The following OPCML variants were observed in gnomAD, a reference collection of about 807,000 sequenced individuals.
OPCML encodes opioid binding protein/cell adhesion molecule like.
In OPCML, 13 loss-of-function variants were observed where a neutral mutation model predicts 37.8. The observed-to-expected ratio is 0.34, with a 90% CI of 0.22 to 0.55. The LOEUF is 0.55. OPCML is among the 20% of genes least tolerant of loss of function. The pLI is 0.91. For synonymous variants in OPCML, 176 were observed against 168.8 expected, an observed-to-expected ratio of 1.04 and a Z score of -0.33; for missense variants, 341 against 435.6, an observed-to-expected ratio of 0.78 and a Z score of 1.93.
intron 1 of OPCML, among the ~76,000 whole-genome samples, chr11:133,230,913 C>A (rs1940248407): frequency 6.6e-6 from 1 of 152,194 alleles, no homozygotes. Context: ...AAAGGGAAGG[C>A]AAATACTTCT....
At chr11:133,528,984 G>A (rs1384871292) in intron 1 of OPCML, among the ~76,000 whole-genome samples, 8 of 152,196 alleles carry the variant, frequency 5.3e-5, no homozygotes, top group African/African-American at 1.4e-4. Flanking sequence ...GCAGCACTGT[G>A]CCTCAGGAAC....
intron 2 of OPCML, among the ~76,000 whole-genome samples, chr11:132,930,729 ATGT>A (rs1945170160): frequency 6.6e-6 from 1 of 152,226 alleles, no homozygotes; most frequent in South Asian, 2.1e-4. Flanking sequence ...GTGAAAAGAC[ATGT>A]TGTGTTTATG....
chr11:133,102,653 G>A (rs573821011), intron 1 of OPCML, among the ~76,000 whole-genome samples: 1 of 152,172 alleles, frequency 6.6e-6, no homozygotes, highest in African/African-American at 2.4e-5. Context: ...AGGAGGCTGA[G>A]GCAGGAGAAT....
intron 1 of OPCML, among the ~76,000 whole-genome samples, chr11:133,286,884 A>G (rs1942314276): frequency 6.6e-6 from 1 of 152,250 alleles, no homozygotes; most frequent in South Asian, 2.1e-4. Context: ...TATCTGAGGC[A>G]CTGTGCAGAG....
chr11:133,108,238 A>G (rs1325653535), intron 1 of OPCML, among the ~76,000 whole-genome samples: 2 of 152,200 alleles, frequency 1.3e-5, no homozygotes, highest in Non-Finnish European at 2.9e-5. Flanking sequence ...CCAGAGGAGA[A>G]TTGCTGCGAA....
intron 2 of OPCML, among the ~76,000 whole-genome samples, chr11:132,874,729 G>C (rs1193395047): frequency 6.6e-6 from 1 of 152,162 alleles, no homozygotes; most frequent in Admixed American, 6.5e-5. Flanking sequence ...ACCTTAAGGT[G>C]GCTTAGCGGA....
intron 1 of OPCML, among the ~76,000 whole-genome samples, chr11:133,438,606 C>A (rs1315945767): frequency 6.6e-6 from 1 of 152,144 alleles, no homozygotes; most frequent in Non-Finnish European, 1.5e-5. Flanking sequence ...GATCTTTGCA[C>A]CTTATTCCCC....
chr11:133,362,659 C>T (rs563490867), intron 1 of OPCML, among the ~76,000 whole-genome samples: 89 of 152,258 alleles, frequency 5.8e-4, no homozygotes, highest in African/African-American at 2.1e-3. Context: ...TGAGAAACAT[C>T]TTGGGTGGAG....
intron 2 of OPCML, among the ~76,000 whole-genome samples, chr11:132,858,514 G>A (rs1942158629): frequency 6.6e-6 from 1 of 152,166 alleles, no homozygotes; most frequent in African/African-American, 2.4e-5. Flanking sequence ...GACCCGTGTG[G>A]AGAGGTTATG....
intron 2 of OPCML, among the ~76,000 whole-genome samples, chr11:132,775,205 A>G (rs1412235481): frequency 2.0e-5 from 3 of 152,204 alleles, no homozygotes; most frequent in African/African-American, 7.2e-5. Context: ...ATCGATGACT[A>G]TGGTAGCTGG....
chr11:132,434,924 G>A (rs2096008265), intron 7 of OPCML, among the ~76,000 whole-genome samples: 1 of 152,032 alleles, frequency 6.6e-6, no homozygotes, highest in African/African-American at 2.4e-5. Flanking sequence ...TTGTTTTGGG[G>A]GCAAAAACCC....
intron 2 of OPCML, among the ~76,000 whole-genome samples, chr11:132,684,866 T>G (rs771934007): frequency 2.0e-5 from 3 of 152,240 alleles, no homozygotes; most frequent in Non-Finnish European, 4.4e-5. Context: ...TTGAATTTCC[T>G]ATTTGTCTTA....
chr11:133,469,364 T>C (rs1470016260), intron 1 of OPCML, among the ~76,000 whole-genome samples: 1 of 152,210 alleles, frequency 6.6e-6, no homozygotes, highest in Non-Finnish European at 1.5e-5. Flanking sequence ...TGTGCAGCTG[T>C]GTACCCTAGG....
At chr11:132,542,642 C>A (rs973194333) in intron 3 of OPCML, among the ~76,000 whole-genome samples, 14 of 152,132 alleles carry the variant, frequency 9.2e-5, no homozygotes, top group South Asian at 2.1e-4. Context: ...CCTCACCCCC[C>A]ACACCCAGAG....
intron 3 of OPCML, among the ~76,000 whole-genome samples, chr11:132,567,182 CTTT>C (rs1266541440): frequency 1.3e-5 from 2 of 152,158 alleles, no homozygotes; most frequent in African/African-American, 4.8e-5. Flanking sequence ...CTGAATACTT[CTTT>C]TTCTCTCTAG....
At chr11:132,697,185 A>C (rs1943629885) in intron 2 of OPCML, among the ~76,000 whole-genome samples, 1 of 152,206 alleles carries the variant, frequency 6.6e-6, no homozygotes, top group African/African-American at 2.4e-5. Flanking sequence ...GATGCACAAC[A>C]TGATGTTTTG....
chr11:132,535,815 A>G (rs2096339130), intron 3 of OPCML, among the ~76,000 whole-genome samples: 1 of 152,104 alleles, frequency 6.6e-6, no homozygotes, highest in Non-Finnish European at 1.5e-5. Context: ...AGGAGTGTTC[A>G]TGACACCTGC....
chr11:133,158,651 G>T (rs934765826), intron 1 of OPCML, among the ~76,000 whole-genome samples: 2 of 150,620 alleles, frequency 1.3e-5, no homozygotes, highest in Non-Finnish European at 2.9e-5. Flanking sequence ...AGTGAGCCAA[G>T]ATCACGCCAC....
chr11:132,889,099 G>C (rs1440121957), intron 2 of OPCML, among the ~76,000 whole-genome samples: 2 of 152,208 alleles, frequency 1.3e-5, no homozygotes, highest in Non-Finnish European at 2.9e-5. Flanking sequence ...TTTGGGCAAT[G>C]TATAGAGAAC....
Sources: allele counts gnomAD v4.1 joint callset (sites outside exome capture counted in the v4.1 genomes callset), GRCh38; gene constraint gnomAD v4.1.1; transcripts MANE v1.5; gene names NCBI Gene and HGNC (gene_info 2026-07-23, HGNC 2026-07-21).